Variants in GALNTL6 observed in about 807,000 individuals in gnomAD.
GALNTL6 encodes polypeptide N-acetylgalactosaminyltransferase like 6, also known as polypeptide N-acetylgalactosaminyltransferase-like 6.
GALNTL6 carries 46 observed loss-of-function variants against 73.7 expected under a neutral mutation model. The ratio of observed to expected loss-of-function variants is 0.62; its 90% confidence interval spans 0.49 to 0.80. The LOEUF is 0.80. Ranked by LOEUF, GALNTL6 falls within the 30% of genes least tolerant of loss-of-function variation. GALNTL6 has a pLI of 0.00. For missense variants in GALNTL6, 604 were observed against 755.0 expected, an observed-to-expected ratio of 0.80 and a Z score of 2.34; for synonymous variants, 259 against 263.7, an observed-to-expected ratio of 0.98 and a Z score of 0.17.
chr4:172,722,528 C>T (rs766144988), intron 5 of GALNTL6, among the ~76,000 whole-genome samples: 1 of 152,174 alleles, frequency 6.6e-6, no homozygotes, highest in Admixed American at 6.5e-5. Context: ...CTCTACCTCC[C>T]TCTCTCTTTT....
chr4:172,251,810 G>A (rs1737881992), intron 3 of GALNTL6, among the ~76,000 whole-genome samples: 2 of 152,018 alleles, frequency 1.3e-5, no homozygotes, highest in Admixed American at 6.6e-5. Flanking sequence ...GTTTAAACCT[G>A]GTGAAACAGA....
In GALNTL6 at chr4:171,958,547, A is replaced by C. The variant is rs182067268; in HGVS notation, c.138+143829A>C. Among the ~76,000 whole-genome samples the C allele has an allele frequency of 1.8e-4, 27 of 152,284 alleles. No homozygotes were observed. The East Asian group carries it at 5.0e-3, about 28-fold the overall frequency. Reference sequence around the variant, plus strand: ...TTGAAAATAATCATATTAGGTCTTTACTGTTATCAGATAAATGAATTTTGT... The same window carrying C: ...TTGAAAATAATCATATTAGGTCTTTCCTGTTATCAGATAAATGAATTTTGT... On this transcript the variant is annotated intron_variant, in intron 2 of 12. Transcript: ENST00000506823.
At position 172,169,626 on chromosome 4, in the gene GALNTL6, A is replaced by G. The variant is rs80175879; in HGVS notation, c.139-60030A>G. ...AAAGATACCTAAGCAGATATTAGTC[A>G]TTTTGACTAATACATACACAACTCA... On this transcript the variant is annotated intron_variant, in intron 2 of 12. Transcript: ENST00000506823. Among the ~76,000 whole-genome samples, 671 of 152,286 alleles carry G rather than the reference A, an allele frequency of 4.4e-3. 7 individuals carry two copies. The highest frequency in any genetic ancestry group is 0.015 in the African/African-American group (637 of 41,556).
At chr4:172,591,377 C>G (rs538423769) in intron 5 of GALNTL6, among the ~76,000 whole-genome samples, 37 of 151,762 alleles carry the variant, frequency 2.4e-4, no homozygotes, top group Middle Eastern at 3.4e-3. Flanking sequence ...GAAACTCAAC[C>G]AGATATGTTC....
At position 172,737,997 on chromosome 4, in the gene GALNTL6, G is replaced by T. The variant is rs554183592; in HGVS notation, c.554-71364G>T. Among the ~76,000 whole-genome samples the T allele has an allele frequency of 2.6e-5, 4 of 152,244 alleles. No homozygotes were observed. In the South Asian group the frequency reaches 8.3e-4, roughly 32 times the overall value. On this transcript the variant is annotated intron_variant, in intron 5 of 12. Transcript: ENST00000506823. Reference sequence around the variant, plus strand: ...GCTGCTCTTAGTTAGACTCTCCTTTGGCTGAGTTACAGAGCAGAGTTTCTG... The same window carrying T: ...GCTGCTCTTAGTTAGACTCTCCTTTTGCTGAGTTACAGAGCAGAGTTTCTG...
intron 5 of GALNTL6, among the ~76,000 whole-genome samples, chr4:172,527,856 G>A (rs183956894): frequency 1.3e-5 from 2 of 152,152 alleles, no homozygotes; most frequent in East Asian, 3.9e-4. Flanking sequence ...TTATATGTGT[G>A]AACCCATTAT....
chr4:172,267,405 G>T (rs2111049162), intron 3 of GALNTL6, among the ~76,000 whole-genome samples: 1 of 152,138 alleles, frequency 6.6e-6, no homozygotes, highest in East Asian at 1.9e-4. Flanking sequence ...ATAGTGCATA[G>T]GTTTTATTGA....
intron 5 of GALNTL6, among the ~76,000 whole-genome samples, chr4:172,701,395 A>G (rs1453347512): frequency 6.6e-6 from 1 of 152,142 alleles, no homozygotes; most frequent in Non-Finnish European, 1.5e-5. Context: ...TTGGAAGGCT[A>G]TTCAGTTACA....
At chr4:172,771,625 A>G (rs1437847) in intron 5 of GALNTL6, among the ~76,000 whole-genome samples, 72,937 of 151,942 alleles carry the variant, frequency 0.48, 18,331 homozygotes, top group African/African-American at 0.63. Context: ...TTTCTCTGGG[A>G]AGTCAACATT....
intron 2 of GALNTL6, among the ~76,000 whole-genome samples, chr4:172,227,554 A>G (rs1047548492): frequency 2.6e-5 from 4 of 152,122 alleles, no homozygotes; most frequent in Non-Finnish European, 4.4e-5. Flanking sequence ...ATCTTTTCAC[A>G]TTTAACCTGA....
At chr4:172,054,265 A>G (rs190233483) in intron 2 of GALNTL6, among the ~76,000 whole-genome samples, 1 of 152,306 alleles carries the variant, frequency 6.6e-6, no homozygotes, top group East Asian at 1.9e-4. Flanking sequence ...ACATATTTTT[A>G]TAACAGGGTT....
At chr4:172,986,426 T>C (rs1166813862) in intron 10 of GALNTL6, among the ~76,000 whole-genome samples, 1 of 152,216 alleles carries the variant, frequency 6.6e-6, no homozygotes, top group Non-Finnish European at 1.5e-5. Flanking sequence ...TTCAGTCTTC[T>C]TTGTAGAATT....
Position 172,825,078 on chromosome 4 carries a change from TTTTCTTTCTTTCTTTCTTTC to T in GALNTL6, c.923+11390_923+11409del, listed in dbSNP as rs70944424. ...TTTCTTTTTTTTTTTTTTGGTTATC[TTTTCTTTCTTTCTTTCTTTC>T]TTTCTTTCTTTCTTTCTTTCTTTCT... On this transcript the variant is annotated intron_variant, in intron 7 of 12. Coordinates refer to ENST00000506823, the MANE Select transcript of GALNTL6 (RefSeq NM_001034845.3). 7.1e-3 allele frequency among the ~76,000 whole-genome samples: 748 copies of T among 105,626 alleles called. 6 individuals are homozygous for T. The highest frequency in any genetic ancestry group is 0.023 in the African/African-American group (657 of 28,328). 69.3% of individuals were successfully genotyped at this position (105,626 alleles called of 152,430 possible).
At chr4:172,820,649 A>ACC (rs1741871962) in intron 7 of GALNTL6, among the ~76,000 whole-genome samples, 1 of 152,178 alleles carries the variant, frequency 6.6e-6, no homozygotes, top group South Asian at 2.1e-4. Flanking sequence ...CCCTATTAGG[A>ACC]CAACTCCAGA....
At chr4:171,997,895 T>A (rs2110751986) in intron 2 of GALNTL6, among the ~76,000 whole-genome samples, 1 of 152,256 alleles carries the variant, frequency 6.6e-6, no homozygotes, top group South Asian at 2.1e-4. Context: ...CACACTAACA[T>A]CCATGCTAAC....
intron 3 of GALNTL6, among the ~76,000 whole-genome samples, chr4:172,230,309 G>T (rs1177934624): frequency 6.6e-6 from 1 of 152,130 alleles, no homozygotes; most frequent in East Asian, 1.9e-4. Flanking sequence ...TAGAGTTAAA[G>T]GACAAAGTAG....
chr4:172,587,986 A>G lies in GALNTL6; in HGVS notation c.554-221375A>G, dbSNP rs149139911. ...GGCTTTTTCATTTCATTTTGCCCAT[A>G]GTAGGCCCTCGAAAAATATTCACTG... On this transcript the variant is annotated intron_variant, in intron 5 of 12. Transcript: ENST00000506823. Among the ~76,000 whole-genome samples the G allele has an allele frequency of 3.8e-3, 579 of 152,318 alleles. 4 individuals are homozygous for G. The highest frequency in any genetic ancestry group is 0.02 in the Middle Eastern group (6 of 294).
chr4:172,230,280 A>C (rs569414600), intron 3 of GALNTL6, among the ~76,000 whole-genome samples: 22 of 152,308 alleles, frequency 1.4e-4, no homozygotes, highest in Admixed American at 1.4e-3. Context: ...TGTGTGTAGC[A>C]GAGTTCTAGA....
At chr4:171,890,502 T>C (rs1578945028) in intron 2 of GALNTL6, among the ~76,000 whole-genome samples, 1 of 152,134 alleles carries the variant, frequency 6.6e-6, no homozygotes, top group Non-Finnish European at 1.5e-5. Context: ...AAAAGTTATG[T>C]CCTATCTTCT....
Sources: gnomAD v4.1 joint callset for allele counts (sites outside exome capture counted in the v4.1 genomes callset) on GRCh38, gnomAD v4.1.1 for gene constraint, MANE v1.5 for transcripts, NCBI Gene and HGNC (gene_info 2026-07-23, HGNC 2026-07-21) for gene names.